Variants in LTBP1 observed in about 807,000 individuals in gnomAD.
LTBP1 encodes the protein latent-transforming growth factor beta-binding protein 1.
LTBP1 carries 129 observed loss-of-function variants against 207.6 expected under a neutral mutation model. The ratio of observed to expected loss-of-function variants is 0.62; its 90% CI spans 0.54 to 0.72. The LOEUF is 0.72. Ranked by LOEUF, LTBP1 falls within the 30% of genes least tolerant of loss-of-function variation. LTBP1 has a pLI of 0.00. For synonymous variants in LTBP1, 963 were observed against 833.7 expected (o/e 1.16, Z -2.67); for missense variants, 2,281 against 2,217.2 (o/e 1.03, Z -0.58).
chr2:33,331,198 T>C (rs1020297225), intron 24 of LTBP1, among the ~76,000 whole-genome samples: 1 of 151,562 alleles, frequency 6.6e-6, no homozygotes, highest in African/African-American at 2.4e-5. Context: ...TTTGTTTCCT[T>C]TGTTTTCTAT....
At chr2:33,151,292 A>T (rs1194947172) in intron 5 of LTBP1, among the ~76,000 whole-genome samples, 2 of 152,106 alleles carry the variant, frequency 1.3e-5, no homozygotes, top group Non-Finnish European at 2.9e-5. Context: ...GGGTCAGGTG[A>T]TAATTCTCTG....
At chr2:33,207,517 G>GA (rs1463578971) in intron 7 of LTBP1, among the ~76,000 whole-genome samples, 1 of 151,964 alleles carries the variant, frequency 6.6e-6, no homozygotes, top group Non-Finnish European at 1.5e-5. Context: ...AAAAAAGAAA[G>GA]AAAAAAACCT....
chr2:32,990,638 A>T (rs1043350728), intron 2 of LTBP1, among the ~76,000 whole-genome samples: 1 of 152,222 alleles, frequency 6.6e-6, no homozygotes, highest in Non-Finnish European at 1.5e-5. Flanking sequence ...TGAATGTTTG[A>T]TAAACTGTTA....
intron 3 of LTBP1, among the ~76,000 whole-genome samples, chr2:33,108,646 A>G (rs982680247): frequency 6.6e-6 from 1 of 152,156 alleles, no homozygotes; most frequent in African/African-American, 2.4e-5. Context: ...CAGTAGCCCA[A>G]GGTCTCCTGG....
intron 26 of LTBP1, among the ~76,000 whole-genome samples, chr2:33,353,272 C>G (rs2094807649): frequency 6.6e-6 from 1 of 152,172 alleles, no homozygotes; most frequent in Non-Finnish European, 1.5e-5. Context: ...AGCCACTGTG[C>G]CCGTCTTCTT....
intron 5 of LTBP1, among the ~76,000 whole-genome samples, chr2:33,165,377 G>A (rs959260609): frequency 1.3e-5 from 2 of 152,228 alleles, no homozygotes; most frequent in African/African-American, 4.8e-5. Flanking sequence ...ATTGGCATCT[G>A]GTTATGGGAC....
intron 3 of LTBP1, among the ~76,000 whole-genome samples, chr2:33,052,606 A>C (rs553593496): frequency 1.3e-5 from 2 of 152,378 alleles, no homozygotes; most frequent in East Asian, 3.9e-4. Flanking sequence ...TAGAGCCAAG[A>C]TAGAGGCCCA....
intron 2 of LTBP1, among the ~76,000 whole-genome samples, chr2:33,015,712 T>TA (rs1252609960): frequency 1.3e-5 from 2 of 152,206 alleles, no homozygotes; most frequent in African/African-American, 4.8e-5. Flanking sequence ...AGAAAAGAGG[T>TA]TTAACTGGCT....
chr2:33,182,954 T>C (rs1395201162), intron 5 of LTBP1, among the ~76,000 whole-genome samples: 1 of 109,624 alleles, frequency 9.1e-6, no homozygotes, highest in Non-Finnish European at 2.0e-5. Flanking sequence ...TATTTAGTAC[T>C]TGATAATTTA....
At chr2:32,948,057 A>T (rs1676525934) in intron 1 of LTBP1, among the ~76,000 whole-genome samples, 1 of 152,166 alleles carries the variant, frequency 6.6e-6, no homozygotes, top group African/African-American at 2.4e-5. Flanking sequence ...CTGCGGGTAA[A>T]CACAAAAGGC....
intron 10 of LTBP1, among the ~76,000 whole-genome samples, chr2:33,246,226 T>C (rs1286880602): frequency 6.6e-6 from 1 of 152,190 alleles, no homozygotes; most frequent in East Asian, 1.9e-4. Context: ...GATTTATTTC[T>C]CTTTCCTCTG....
At chr2:33,359,348 C>T (rs747729006) in intron 26 of LTBP1, among the ~76,000 whole-genome samples, 4 of 152,296 alleles carry the variant, frequency 2.6e-5, no homozygotes, top group African/African-American at 9.6e-5. Flanking sequence ...ATTTTAGAAA[C>T]ACGTTTACTA....
chr2:32,952,365 T>C (rs1677266805), intron 2 of LTBP1, among the ~76,000 whole-genome samples: 1 of 152,188 alleles, frequency 6.6e-6, no homozygotes, highest in Non-Finnish European at 1.5e-5. Flanking sequence ...AATGTAGAGA[T>C]GCCTGGTTGC....
chr2:33,060,124 A>C (rs1406760292), intron 3 of LTBP1, among the ~76,000 whole-genome samples: 13 of 152,060 alleles, frequency 8.5e-5, no homozygotes, highest in Admixed American at 8.5e-4. Flanking sequence ...ACTCCATTTC[A>C]CTCCCACATA....
chr2:33,080,967 A>G (rs1297932352), intron 3 of LTBP1, among the ~76,000 whole-genome samples: 1 of 152,252 alleles, frequency 6.6e-6, no homozygotes, highest in Admixed American at 6.5e-5. Flanking sequence ...TTTATTTAAT[A>G]TAAGTTTCAT....
chr2:33,289,311 G>A (rs904143285), intron 19 of LTBP1, among the ~76,000 whole-genome samples: 3 of 152,198 alleles, frequency 2.0e-5, no homozygotes, highest in African/African-American at 7.2e-5. Context: ...AAATTGTTAT[G>A]TCTCAAAAGC....
intron 2 of LTBP1, among the ~76,000 whole-genome samples, chr2:32,958,329 C>T (rs1207734482): frequency 6.6e-6 from 1 of 152,190 alleles, no homozygotes; most frequent in Middle Eastern, 3.2e-3. Flanking sequence ...AAAATGAGCT[C>T]TCAGCACCTT....
At chr2:33,040,439 G>C (rs2076126824) in intron 3 of LTBP1, among the ~76,000 whole-genome samples, 1 of 152,202 alleles carries the variant, frequency 6.6e-6, no homozygotes, top group East Asian at 1.9e-4. Context: ...TTGTAATAAA[G>C]GTAATGAGAG....
intron 15 of LTBP1, among the ~76,000 whole-genome samples, chr2:33,268,543 C>G (rs575013168): frequency 2.6e-5 from 4 of 152,250 alleles, no homozygotes; most frequent in African/African-American, 7.2e-5. Flanking sequence ...TGATGTTTTC[C>G]ACTCTTAACA....
Sources: allele counts gnomAD v4.1 joint callset (sites outside exome capture counted in the v4.1 genomes callset), GRCh38; gene constraint gnomAD v4.1.1; transcripts MANE v1.5; gene names NCBI Gene and HGNC (gene_info 2026-07-23, HGNC 2026-07-21).